The following OR1D2 variants were observed in gnomAD, a reference collection of about 807,000 sequenced individuals.
The protein encoded by OR1D2 is olfactory receptor 1D2.
For synonymous variants in OR1D2, 157 were observed against 153.9 expected (o/e 1.02, Z -0.15); for missense variants, 357 against 376.1 (o/e 0.95, Z 0.42).
Position 3,092,712 on chromosome 17 carries a change from T to C in OR1D2, c.285A>G (p.Ala95=). ...LQSHNKAISY[A]GCLTQLYFLV... is the part of the protein sequence containing the mutation. ...GGAAGTAGAGCTGTGTCAGACACCCTGCATAGGAGATGGCTTTGTTATGGG... is the reference window on the plus strand; with the variant it reads ...GGAAGTAGAGCTGTGTCAGACACCCCGCATAGGAGATGGCTTTGTTATGGG... Residue 95 remains alanine, a synonymous_variant, in exon 2 of 2, where the codon GCA becomes GCG. Transcript: ENST00000641833. 6.2e-7 allele frequency: 1 copy of C among 1,614,078 alleles called. No homozygotes were observed. Among genetic ancestry groups the C allele is most frequent in the Non-Finnish European group, 8.5e-7 (1 of 1,180,012 alleles).
chr17:3,101,923 A>G (rs2047876540), intron 1 of OR1D2, among the ~76,000 whole-genome samples: 1 of 152,218 alleles, frequency 6.6e-6, no homozygotes, highest in Admixed American at 6.5e-5. Flanking sequence ...CACAATTGCT[A>G]CAAAGAGAAT....
chr17:3,101,667 C>T (rs998251804), intron 1 of OR1D2, among the ~76,000 whole-genome samples: 2 of 152,044 alleles, frequency 1.3e-5, no homozygotes, highest in African/African-American at 4.8e-5. Flanking sequence ...AATTTCTGGC[C>T]AGGGCAATCA....
rs911649035 is a variant in OR1D2 at position 3,089,240 on chromosome 17, T to C, written c.*2818A>G. ...CTTCCTGAGAGCCAAACTGCAATGA[T>C]TGTTATTTCTCTGCTGGTCTAGCCA... On this transcript the variant is annotated 3_prime_UTR_variant, in exon 2 of 2. Coordinates refer to ENST00000641833, the MANE Select transcript of OR1D2 (RefSeq NM_002548.3). 1.3e-5 allele frequency: 2 copies of C among 152,220 alleles called. No homozygotes were observed. The highest frequency in any genetic ancestry group is 2.9e-5 in the Non-Finnish European group (2 of 68,060). 9.4% of individuals were successfully genotyped at this position (152,220 alleles called of 1,614,324 possible). A position where few individuals can be genotyped will look rare whatever the true frequency, so the allele number is the denominator to read the frequency against.
chr17:3,098,932 G>T (rs887635511), intron 1 of OR1D2, among the ~76,000 whole-genome samples: 2 of 152,130 alleles, frequency 1.3e-5, no homozygotes, highest in African/African-American at 4.8e-5. Context: ...GGATATCAGA[G>T]TTTAAAGACC....
intron 1 of OR1D2, among the ~76,000 whole-genome samples, chr17:3,100,838 G>T (rs1240131058): frequency 6.6e-6 from 1 of 152,094 alleles, no homozygotes; most frequent in Non-Finnish European, 1.5e-5. Context: ...TGATAAAGGG[G>T]ATATCACCAC....
At chr17:3,103,557 G>T (rs2047883659) in intron 1 of OR1D2, among the ~76,000 whole-genome samples, 1 of 152,168 alleles carries the variant, frequency 6.6e-6, no homozygotes, top group Non-Finnish European at 1.5e-5. Flanking sequence ...TCCTGTTTCT[G>T]AGAACCAAGT....
chr17:3,095,087 G>GA (rs569972611), intron 1 of OR1D2, among the ~76,000 whole-genome samples: 1 of 151,226 alleles, frequency 6.6e-6, no homozygotes, highest in Non-Finnish European at 1.5e-5. Flanking sequence ...AGAAAAATCA[G>GA]AAAAAAAATC....
rs2047801036 is a variant in OR1D2, at chr17:3,090,633, C to G, written c.*1425G>C. On this transcript the variant is annotated 3_prime_UTR_variant, in exon 2 of 2. Transcript: ENST00000641833. ...CCAATTTGATAGGAACTGTTTTTCA[C>G]CAGTCAGCTTAGCCAGATATTCTGG... 1 of 152,220 alleles carries G rather than the reference C, an allele frequency of 6.6e-6. No individual in the cohort carries two copies. The highest frequency in any genetic ancestry group is 1.5e-5 in the Non-Finnish European group (1 of 68,060). 9.4% of individuals were successfully genotyped at this position (152,220 alleles called of 1,614,324 possible). A position where few individuals can be genotyped will look rare whatever the true frequency, so the allele number is the denominator to read the frequency against.
In OR1D2 at chr17:3,091,830, T is replaced by G; in HGVS notation, c.*228A>C. ...TCAAGTACATTGAAGAATTTGACCC[T>G]GCAACATTCTAGTGTTGGTGTTAGT... is the stretch of plus-strand genomic sequence containing the variant. On this transcript the variant is annotated 3_prime_UTR_variant, in exon 2 of 2. Coordinates refer to ENST00000641833, the MANE Select transcript of OR1D2 (RefSeq NM_002548.3). The G allele has an allele frequency of 2.2e-6, 1 of 457,956 alleles. No homozygotes were observed. Among genetic ancestry groups the G allele is most frequent in the Non-Finnish European group, 3.9e-6 (1 of 255,542 alleles). The allele number at this position is 457,956 out of a possible 1,614,324, so 28.4% of individuals were successfully genotyped here.
chr17:3,098,522 A>C (rs2047858307), intron 1 of OR1D2, among the ~76,000 whole-genome samples: 1 of 152,250 alleles, frequency 6.6e-6, no homozygotes, highest in South Asian at 2.1e-4. Context: ...AAGGGGCGGC[A>C]GCCTCAAAGA....
At position 3,091,355 on chromosome 17, in the gene OR1D2, T is replaced by A. The variant is rs936059808; in HGVS notation, c.*703A>T. The A allele has an allele frequency of 3.9e-5, 6 of 152,268 alleles. No individual in the cohort carries two copies. Among genetic ancestry groups the A allele is most frequent in the Non-Finnish European group, 8.8e-5 (6 of 68,044 alleles). 9.4% of individuals were successfully genotyped at this position (152,268 alleles called of 1,614,324 possible). On this transcript the variant is annotated 3_prime_UTR_variant, in exon 2 of 2. Transcript: ENST00000641833. ...TGTTTCTCTTTTTAATTTCAAGCTTTATATATTCCTGTGCTTTCATCGTGT... is the reference window on the plus strand; with the variant it reads ...TGTTTCTCTTTTTAATTTCAAGCTTAATATATTCCTGTGCTTTCATCGTGT...
rs773877976 is a variant in OR1D2, at chr17:3,092,537, G to C, written c.460C>G (p.Leu154Val). The stretch of plus-strand genomic sequence containing the variant: ...AGGAGGGTGTGTATGAGGCCATAGA[G>C]GACGGATAGGACCCAACACAAGGAA... Reference protein sequence around the residue: ...LLSLCWVLSVLYGLIHTLLMT... With the variant: ...LLSLCWVLSVVYGLIHTLLMT... Residue 154 changes from leucine to valine, a missense_variant, in exon 2 of 2, where the codon CTC (leucine) becomes GTC (valine). By Grantham distance (32) the Leu-to-Val change is conservative (BLOSUM62 1). Coordinates refer to ENST00000641833, the MANE Select transcript of OR1D2 (RefSeq NM_002548.3). The C allele has an allele frequency of 6.2e-7, 1 of 1,614,140 alleles. No homozygotes were observed. Among genetic ancestry groups the C allele is most frequent in the Admixed American group, 1.7e-5 (1 of 60,014 alleles).
chr17:3,092,919 G>T lies in OR1D2; in HGVS notation c.78C>A (p.Ile26=), dbSNP rs753424407. 1.2e-6 allele frequency: 2 copies of T among 1,613,744 alleles called. No individual in the cohort carries two copies. Among genetic ancestry groups the T allele is most frequent in the Non-Finnish European group, 1.7e-6 (2 of 1,179,980 alleles). The change falls in exon 2 of 2, where the codon ATC becomes ATA. Residue 26 remains isoleucine, a synonymous_variant. Coordinates refer to ENST00000641833, the MANE Select transcript of OR1D2 (RefSeq NM_002548.3). The stretch of plus-strand genomic sequence containing the variant: ...ACATGGACAGGAACATCCAAAACAG[G>T]ATCCGCTGCTGCTCAGGACTCTCTG... The part of the protein sequence containing the change: ...GMSESPEQQR[I]LFWMFLSMYL...
At chr17:3,096,977 A>C (rs374481372) in intron 1 of OR1D2, among the ~76,000 whole-genome samples, 5 of 152,378 alleles carry the variant, frequency 3.3e-5, no homozygotes, top group East Asian at 1.9e-4. Context: ...AAATAAACCC[A>C]AATGACATTA....
chr17:3,101,788 ACTT>A (rs886978193), intron 1 of OR1D2, among the ~76,000 whole-genome samples: 1 of 152,102 alleles, frequency 6.6e-6, no homozygotes, highest in African/African-American at 2.4e-5. Flanking sequence ...CCACCCCAAA[ACTT>A]CTTAAGCGAT....
chr17:3,099,285 C>T (rs530661205), intron 1 of OR1D2, among the ~76,000 whole-genome samples: 76 of 152,236 alleles, frequency 5.0e-4, no homozygotes, highest in African/African-American at 1.7e-3. Flanking sequence ...AGAGAAAGGT[C>T]AGGTCACCTA....
At chr17:3,100,343 A>G (rs920015936) in intron 1 of OR1D2, among the ~76,000 whole-genome samples, 1 of 152,330 alleles carries the variant, frequency 6.6e-6, no homozygotes, top group African/African-American at 2.4e-5. Context: ...CCACAGTGCC[A>G]TCAAATTAGA....
chr17:3,095,712 T>C (rs1421306018), intron 1 of OR1D2, among the ~76,000 whole-genome samples: 1 of 151,990 alleles, frequency 6.6e-6, no homozygotes, highest in African/African-American at 2.4e-5. Context: ...TCATATTTTC[T>C]TGTTTTTTCT....
At chr17:3,094,085 A>G (rs1405812817) in intron 1 of OR1D2, among the ~76,000 whole-genome samples, 1 of 152,240 alleles carries the variant, frequency 6.6e-6, no homozygotes, top group Non-Finnish European at 1.5e-5. Flanking sequence ...ACAGATCAGT[A>G]GAAACTTCAC....
Sources: allele counts gnomAD v4.1 joint callset (sites outside exome capture counted in the v4.1 genomes callset), GRCh38; gene constraint gnomAD v4.1.1; transcripts MANE v1.5; gene names NCBI Gene and HGNC (gene_info 2026-07-23, HGNC 2026-07-21).